The following NLGN1 variants were observed in gnomAD, a reference collection of about 807,000 sequenced individuals.
NLGN1 encodes the protein neuroligin 1, also known as neuroligin-1.
A neutral mutation model predicts 65.5 loss-of-function variants in NLGN1; 12 were observed. The ratio of observed to expected loss-of-function variants is 0.18; its 90% CI spans 0.12 to 0.30. The LOEUF is 0.30. Ranked by LOEUF, NLGN1 falls within the 10% of genes least tolerant of loss-of-function variation. The pLI, the probability that NLGN1 is intolerant of heterozygous loss-of-function variation, is 1.00. For synonymous variants in NLGN1, 350 were observed against 359.5 expected, an observed-to-expected ratio of 0.97 and a Z score of 0.30; for missense variants, 750 against 1,007.1, an observed-to-expected ratio of 0.74 and a Z score of 3.46.
intron 3 of NLGN1, among the ~76,000 whole-genome samples, chr3:173,698,136 A>G (rs1766517527): frequency 6.6e-6 from 1 of 152,148 alleles, no homozygotes; most frequent in Admixed American, 6.5e-5. Context: ...CCTTAGGAAA[A>G]TCACTGTTCT....
At chr3:174,249,258 C>T (rs1292759501) in intron 4 of NLGN1, among the ~76,000 whole-genome samples, 1 of 152,224 alleles carries the variant, frequency 6.6e-6, no homozygotes, top group Non-Finnish European at 1.5e-5. Flanking sequence ...TTCATTTTCA[C>T]ATGACTGCTC....
intron 2 of NLGN1, among the ~76,000 whole-genome samples, chr3:173,514,814 A>G (rs1215533958): frequency 6.6e-6 from 1 of 152,188 alleles, no homozygotes; most frequent in East Asian, 1.9e-4. Context: ...ACTTTAATCC[A>G]TGTTGTCACA....
intron 4 of NLGN1, among the ~76,000 whole-genome samples, chr3:173,889,937 G>A (rs187677425): frequency 6.6e-6 from 1 of 151,962 alleles, no homozygotes; most frequent in Non-Finnish European, 1.5e-5. Context: ...TGTGGGAACT[G>A]GTAGAGATTT....
intron 3 of NLGN1, among the ~76,000 whole-genome samples, chr3:173,752,392 C>T (rs1776427740): frequency 6.6e-6 from 1 of 151,988 alleles, no homozygotes; most frequent in Non-Finnish European, 1.5e-5. Flanking sequence ...AGCAGAGATC[C>T]CTCCCTGATC....
intron 1 of NLGN1, chr3:173,398,608 C>T (rs542163757): frequency 1.4e-4 from 22 of 152,196 alleles, no homozygotes; most frequent in Admixed American, 1.0e-3. Flanking sequence ...ATTACATGTC[C>T]AATATTTGAT....
intron 4 of NLGN1, among the ~76,000 whole-genome samples, chr3:173,872,058 A>G (rs1471593993): frequency 6.6e-6 from 1 of 152,038 alleles, no homozygotes; most frequent in Non-Finnish European, 1.5e-5. Context: ...GGCTAGCTGC[A>G]GTGAAGGTGG....
intron 3 of NLGN1, 145 bp downstream of exon 3, chr3:173,605,738 AAG>A (rs1751307527): frequency 5.2e-6 from 2 of 388,086 alleles, no homozygotes; most frequent in African/African-American, 4.2e-5. Flanking sequence ...AAGGAATATA[AAG>A]GTGTTTAAGG....
exon 7 of NLGN1, chr3:174,285,769 C>T (rs927615397): frequency 6.6e-6 from 1 of 151,340 alleles, no homozygotes; most frequent in Non-Finnish European, 1.5e-5. Flanking sequence ...AGTGCCTTTT[C>T]CTCCTGAGAT....
Position 173,550,933 on chromosome 3 carries a change from A to T in NLGN1, c.-320-53346A>T, listed in dbSNP as rs1226271061. ...ATTCTTCCGATTTTTCTCCCTATAC[A>T]CTTGAGAGCTTCCGATTTTTCTCCC... On this transcript the variant is annotated intron_variant, in intron 2 of 6. Transcript: ENST00000457714. 2.6e-5 allele frequency among the ~76,000 whole-genome samples: 4 copies of T among 152,272 alleles called. No individual in the cohort carries two copies. In the East Asian group the frequency reaches 7.7e-4, roughly 29 times the overall value.
intron 2 of NLGN1, among the ~76,000 whole-genome samples, chr3:173,465,778 A>T (rs1724241581): frequency 6.6e-6 from 1 of 152,228 alleles, no homozygotes; most frequent in Admixed American, 6.5e-5. Context: ...ATGGTAGAAC[A>T]TGCAGTTGGA....
intron 2 of NLGN1, among the ~76,000 whole-genome samples, chr3:173,519,820 G>T (rs1734464883): frequency 6.6e-6 from 1 of 152,060 alleles, no homozygotes; most frequent in Admixed American, 6.6e-5. Flanking sequence ...TTTGGGGACT[G>T]TTGAGAAGGG....
chr3:174,027,093 GA>G (rs1171933984), intron 4 of NLGN1, among the ~76,000 whole-genome samples: 19 of 150,172 alleles, frequency 1.3e-4, no homozygotes, highest in Middle Eastern at 3.5e-3. Context: ...AAAGAAATAT[GA>G]AAAAAAAGCA....
intron 4 of NLGN1, among the ~76,000 whole-genome samples, chr3:173,836,736 C>T (rs1251216314): frequency 6.6e-6 from 1 of 152,136 alleles, no homozygotes; most frequent in East Asian, 1.9e-4. Flanking sequence ...AGATGCCCAT[C>T]ACCATCCATG....
At chr3:174,271,208 C>T (rs1374649902) in intron 4 of NLGN1, among the ~76,000 whole-genome samples, 1 of 151,718 alleles carries the variant, frequency 6.6e-6, no homozygotes, top group Non-Finnish European at 1.5e-5. Context: ...ATGCTCCTAC[C>T]TTAAAAAAGA....
At chr3:173,464,954 T>C (rs917818945) in intron 2 of NLGN1, among the ~76,000 whole-genome samples, 4 of 152,132 alleles carry the variant, frequency 2.6e-5, no homozygotes, top group African/African-American at 9.7e-5. Flanking sequence ...TGCAAATCAA[T>C]GGGTTTCAAA....
intron 1 of NLGN1, among the ~76,000 whole-genome samples, chr3:173,420,209 A>G (rs1714761975): frequency 6.6e-6 from 1 of 151,742 alleles, no homozygotes; most frequent in Admixed American, 6.6e-5. Flanking sequence ...TATATCTCCT[A>G]ATGCTGTCCC....
At chr3:173,459,308 T>C (rs894840910) in intron 2 of NLGN1, among the ~76,000 whole-genome samples, 2 of 152,168 alleles carry the variant, frequency 1.3e-5, no homozygotes, top group Non-Finnish European at 2.9e-5. Flanking sequence ...TCTAATTTCC[T>C]GTTTCCACTT....
At chr3:173,694,514 T>C (rs976646983) in intron 3 of NLGN1, among the ~76,000 whole-genome samples, 2 of 152,178 alleles carry the variant, frequency 1.3e-5, no homozygotes, top group South Asian at 4.1e-4. Context: ...TTCTCTCATA[T>C]TGCCTTGTGT....
intron 4 of NLGN1, among the ~76,000 whole-genome samples, chr3:173,953,161 T>C (rs1748550330): frequency 6.6e-6 from 1 of 152,224 alleles, no homozygotes; most frequent in Non-Finnish European, 1.5e-5. Context: ...AATTATCTAT[T>C]TAAAAATTAC....
Sources: allele counts gnomAD v4.1 joint callset (sites outside exome capture counted in the v4.1 genomes callset), GRCh38; gene constraint gnomAD v4.1.1; transcripts MANE v1.5; gene names NCBI Gene and HGNC (gene_info 2026-07-23, HGNC 2026-07-21).